Variants in GDPD1 observed in about 807,000 individuals in gnomAD.
The protein encoded by GDPD1 is glycerophosphodiester phosphodiesterase domain containing 1.
GDPD1 carries 28 observed loss-of-function variants against 45.1 expected under a neutral mutation model. The ratio of observed to expected loss-of-function variants is 0.62; its 90% CI spans 0.46 to 0.85. GDPD1 has a LOEUF of 0.85. Among genes scored for constraint, GDPD1 ranks in the 40% least tolerant of loss-of-function variants. The pLI is 0.00. For synonymous variants in GDPD1, 139 were observed against 131.4 expected, an observed-to-expected ratio of 1.06 and a Z score of -0.40; for missense variants, 256 against 364.8, an observed-to-expected ratio of 0.70 and a Z score of 2.43.
At chr17:59,258,309 G>A (rs1037963737) in intron 6 of GDPD1, among the ~76,000 whole-genome samples, 1 of 151,100 alleles carries the variant, frequency 6.6e-6, no homozygotes, top group African/African-American at 2.4e-5. Flanking sequence ...ACTTTGGGAG[G>A]CCAAGGCAGG....
chr17:59,248,408 ATTAGT>A (rs1184371125), intron 3 of GDPD1, among the ~76,000 whole-genome samples: 1 of 152,112 alleles, frequency 6.6e-6, no homozygotes, highest in Admixed American at 6.6e-5. Context: ...TTAATTATTA[ATTAGT>A]TTAAAGATCT....
chr17:59,252,268 G>C (rs528159046), intron 4 of GDPD1, among the ~76,000 whole-genome samples: 5 of 151,566 alleles, frequency 3.3e-5, no homozygotes, highest in African/African-American at 1.2e-4. Context: ...ATTGTTTTTT[G>C]AGATGAGCTT....
At chr17:59,226,569 A>G (rs1228797337) in intron 1 of GDPD1, among the ~76,000 whole-genome samples, 3 of 152,302 alleles carry the variant, frequency 2.0e-5, no homozygotes, top group Non-Finnish European at 4.4e-5. Context: ...TAAAAATACA[A>G]CCTAACAATA....
intron 8 of GDPD1, among the ~76,000 whole-genome samples, chr17:59,271,870 T>C (rs1462047857): frequency 6.6e-6 from 1 of 151,938 alleles, no homozygotes; most frequent in Non-Finnish European, 1.5e-5. Context: ...CCTGGCCTCA[T>C]GTGATCTGCC....
At chr17:59,273,521 G>A (rs1323119238) in intron 9 of GDPD1, 130 bp from the exon 10 acceptor site, 3 of 460,362 alleles carry the variant, frequency 6.5e-6, no homozygotes, top group African/African-American at 6.1e-5. Context: ...AGGATCTAAT[G>A]ATTTATTTAA....
chr17:59,261,016 A>T (rs1241214973), intron 6 of GDPD1, among the ~76,000 whole-genome samples: 1 of 152,208 alleles, frequency 6.6e-6, no homozygotes, highest in African/African-American at 2.4e-5. Flanking sequence ...CTCAGGCTGG[A>T]GTGCAGTTGC....
At chr17:59,233,425 T>G (rs1226707895) in intron 1 of GDPD1, among the ~76,000 whole-genome samples, 1 of 145,014 alleles carries the variant, frequency 6.9e-6, no homozygotes, top group East Asian at 2.0e-4. Context: ...GACAGGAGAA[T>G]GGCGTAAGCC....
chr17:59,269,851 A>G (rs964308937), intron 7 of GDPD1, among the ~76,000 whole-genome samples: 4 of 152,172 alleles, frequency 2.6e-5, no homozygotes, highest in African/African-American at 4.8e-5. Flanking sequence ...ATTTATTCCT[A>G]AAGTACTTAG....
intron 9 of GDPD1, chr17:59,273,109 G>T: frequency 1.5e-5 from 4 of 260,620 alleles, no homozygotes; most frequent in East Asian, 8.2e-5. Flanking sequence ...ATATATGTAT[G>T]TATATTTCTT....
intron 4 of GDPD1, 196 bp downstream of exon 4, chr17:59,248,981 T>C (rs2147889196): frequency 2.3e-6 from 1 of 430,752 alleles, no homozygotes; most frequent in African/African-American, 2.0e-5. Context: ...CTTAAATTCA[T>C]GTACAGTTAA....
intron 2 of GDPD1, among the ~76,000 whole-genome samples, chr17:59,241,679 A>G (rs1597972030): frequency 6.6e-6 from 1 of 150,928 alleles, no homozygotes; most frequent in South Asian, 2.2e-4. Flanking sequence ...CTGTAATCCC[A>G]GCACTTTGGG....
chr17:59,255,815 GTATATATA>G (rs370143587), intron 4 of GDPD1, among the ~76,000 whole-genome samples: 1 of 49,158 alleles, frequency 2.0e-5, no homozygotes, highest in East Asian at 5.0e-4. Context: ...ATATATACGC[GTATATATA>G]TATACGCGTA....
chr17:59,235,833 A>AT (rs1428218035), intron 2 of GDPD1, among the ~76,000 whole-genome samples: 4 of 149,508 alleles, frequency 2.7e-5, no homozygotes, highest in Non-Finnish European at 5.9e-5. Context: ...AAAAAAAAAA[A>AT]GTAAAATTTT....
rs138432792 is a variant in GDPD1 at position 59,240,748 on chromosome 17, G to A, written c.186-4666G>A. ...GGCCTCCCAAAGTGTTGGGATTACA[G>A]GCATGAGCCACCGTGCCAGGTCTAT... On this transcript the variant is annotated intron_variant, in intron 2 of 9. Transcript: ENST00000284116. 5.3e-5 allele frequency among the ~76,000 whole-genome samples: 8 copies of A among 152,260 alleles called. No homozygotes were observed. The East Asian group carries it at 1.5e-3, about 29-fold the overall frequency.
chr17:59,226,349 A>T (rs1438449297), intron 1 of GDPD1, among the ~76,000 whole-genome samples: 1 of 152,150 alleles, frequency 6.6e-6, no homozygotes, highest in African/African-American at 2.4e-5. Flanking sequence ...GAGACTTAAA[A>T]AAAAAAACCT....
intron 6 of GDPD1, among the ~76,000 whole-genome samples, chr17:59,262,714 G>C (rs371552343): frequency 1.4e-5 from 2 of 147,978 alleles, no homozygotes; most frequent in African/African-American, 5.0e-5. Flanking sequence ...TGCAACCTCC[G>C]CCTTCCGGGT....
intron 4 of GDPD1, among the ~76,000 whole-genome samples, chr17:59,254,495 A>C (rs1041326385): frequency 2.0e-5 from 3 of 152,022 alleles, no homozygotes; most frequent in Admixed American, 2.0e-4. Flanking sequence ...ATGCTACTGC[A>C]CTCCAGCCTG....
intron 2 of GDPD1, among the ~76,000 whole-genome samples, chr17:59,243,477 C>G (rs2047189307): frequency 6.6e-6 from 1 of 151,314 alleles, no homozygotes; most frequent in African/African-American, 2.4e-5. Flanking sequence ...GCATTCCAGC[C>G]TGGGCAACAA....
intron 6 of GDPD1, 47 bp from the exon 7 acceptor site, chr17:59,266,994 T>C (rs756719017): frequency 1.1e-5 from 16 of 1,469,818 alleles, no homozygotes; most frequent in Middle Eastern, 3.5e-4. Context: ...ATCCTCTTTA[T>C]TTGAGCAGTT....
Sources: allele counts gnomAD v4.1 joint callset (sites outside exome capture counted in the v4.1 genomes callset), GRCh38; gene constraint gnomAD v4.1.1; transcripts MANE v1.5; gene names NCBI Gene and HGNC (gene_info 2026-07-23, HGNC 2026-07-21).